SLC19A2: variants seen among roughly 807,000 people sequenced by gnomAD.
The protein encoded by SLC19A2 is thiamine transporter 1.
Under a neutral mutation model 44.7 loss-of-function variants are expected in SLC19A2, and 27 were observed. That is an observed-to-expected ratio of 0.60 (90% CI 0.45 to 0.83). The LOEUF (loss-of-function observed/expected upper bound fraction) is 0.83, where lower values mean the gene tolerates loss of function less well. Among genes scored for constraint, SLC19A2 ranks in the 40% least tolerant of loss-of-function variants. The probability of loss-of-function intolerance (pLI) is 0.00; values close to 1 mark genes in which losing one functional copy is unlikely to be tolerated. For synonymous variants in SLC19A2, 239 were observed against 243.6 expected, an observed-to-expected ratio of 0.98 and a Z score of 0.18; for missense variants, 566 against 613.7, an observed-to-expected ratio of 0.92 and a Z score of 0.82.
rs1657943599 is a variant in SLC19A2 at position 169,464,511 on chromosome 1, T to C, written c.*1338A>G. On this transcript the variant is annotated 3_prime_UTR_variant, in exon 6 of 6. Coordinates refer to ENST00000236137, the MANE Select transcript of SLC19A2 (RefSeq NM_006996.3). ...AATCTTGACACACTATTATTAACAC[T>C]GTTCAGCTGTGTCATTCTAAAAAAG... is the stretch of plus-strand genomic sequence containing the variant. 1 of 152,182 alleles carries C rather than the reference T, an allele frequency of 6.6e-6. No individual in the cohort carries two copies. The highest frequency in any genetic ancestry group is 2.1e-4 in the South Asian group (1 of 4,830). The allele number at this position is 152,182 out of a possible 1,614,324, so 9.4% of individuals were successfully genotyped here. A position where few individuals can be genotyped will look rare whatever the true frequency, so the allele number is the denominator to read the frequency against.
Position 169,465,925 on chromosome 1 carries a change from C to T in SLC19A2, c.1418G>A (p.Ser473Asn). 6.2e-7 allele frequency: 1 copy of T among 1,614,092 alleles called. No individual in the cohort carries two copies. Among genetic ancestry groups the T allele is most frequent in the Non-Finnish European group, 8.5e-7 (1 of 1,179,956 alleles). The change falls in exon 6 of 6, where the codon AGT becomes AAT. Residue 473 changes from serine to asparagine, a missense_variant. Transcript: ENST00000236137. The stretch of plus-strand genomic sequence containing the variant: ...TTTCTTCATAACACTGACTGCACCA[C>T]TGGCCAGGAAAACCACAGCGATGAG... ...FALIAVVFLA[S>N]GAVSVMKKCR...
At chr1:169,476,544 C>G (rs1168275574) in intron 2 of SLC19A2, among the ~76,000 whole-genome samples, 1 of 152,036 alleles carries the variant, frequency 6.6e-6, no homozygotes, top group Non-Finnish European at 1.5e-5. Flanking sequence ...CATGATGAAA[C>G]CCCGTCTCTA....
Position 169,468,258 on chromosome 1 carries a change from A to T in SLC19A2, c.1224-6T>A. On this transcript the variant is annotated splice_polypyrimidine_tract_variant and splice_region_variant and intron_variant, in intron 4 of 5. Coordinates refer to ENST00000236137, the MANE Select transcript of SLC19A2 (RefSeq NM_006996.3). ...GGTTTGCAGCAATTTGAAAACTTAA[A>T]AAAAAATAAAAGAGTGAATAAATAA... 3.1e-6 allele frequency: 5 copies of T among 1,611,422 alleles called. No homozygotes were observed. Among genetic ancestry groups the T allele is most frequent in the Non-Finnish European group, 3.4e-6 (4 of 1,178,008 alleles).
intron 1 of SLC19A2, among the ~76,000 whole-genome samples, chr1:169,478,696 T>G (rs1658383210): frequency 6.6e-6 from 1 of 151,828 alleles, no homozygotes; most frequent in Non-Finnish European, 1.5e-5. Flanking sequence ...CTAATACTGA[T>G]CTATATGCAT....
At chr1:169,470,496 T>C (rs1658147712) in intron 2 of SLC19A2, among the ~76,000 whole-genome samples, 2 of 152,080 alleles carry the variant, frequency 1.3e-5, no homozygotes, top group African/African-American at 4.8e-5. Context: ...GTAATCTACA[T>C]CTCCCATAAA....
At chr1:169,481,413 G>A (rs935341184) in intron 1 of SLC19A2, among the ~76,000 whole-genome samples, 4 of 152,182 alleles carry the variant, frequency 2.6e-5, no homozygotes, top group Non-Finnish European at 5.9e-5. Context: ...CTATCTTCCA[G>A]GTTAATTCTA....
intron 1 of SLC19A2, among the ~76,000 whole-genome samples, chr1:169,483,847 A>G (rs966263371): frequency 3.3e-5 from 5 of 152,338 alleles, no homozygotes; most frequent in Admixed American, 1.3e-4. Context: ...AGCTGTTCAC[A>G]GCAGTATCAA....
In SLC19A2 at chr1:169,468,265, T is replaced by A. The variant is rs1557888364; in HGVS notation, c.1224-13A>T. The A allele has an allele frequency of 6.2e-7, 1 of 1,602,658 alleles. No individual in the cohort carries two copies. Among genetic ancestry groups the A allele is most frequent in the East Asian group, 2.2e-5 (1 of 44,796 alleles). Reference sequence around the variant, plus strand: ...AGCAATTTGAAAACTTAAAAAAAAATAAAAGAGTGAATAAATAAGAATTAC... The same window carrying A: ...AGCAATTTGAAAACTTAAAAAAAAAAAAAAGAGTGAATAAATAAGAATTAC... On this transcript the variant is annotated splice_polypyrimidine_tract_variant and intron_variant, in intron 4 of 5. Transcript: ENST00000236137.
chr1:169,477,884 G>A, intron 1 of SLC19A2, 127 bp from the exon 2 acceptor site: 1 of 951,864 alleles, frequency 1.1e-6, no homozygotes, highest in Non-Finnish European at 1.6e-6. Flanking sequence ...GACAACAGCA[G>A]TTCAGATAAC....
At position 169,468,778 on chromosome 1, in the gene SLC19A2, T is replaced by C. The variant is rs1237298453; in HGVS notation, c.1089A>G (p.Glu363=). ...YIKISWSTWG[E]MTLSLFSLLI... ...GGAGAGAAAAGAGAGATAATGTCAT[T>C]TCTCCCCAAGTTGACCAGGATATTT... Residue 363 remains glutamate (E), a synonymous_variant, in exon 4 of 6, where the codon GAA becomes GAG. Transcript: ENST00000236137. 2 of 1,613,736 alleles carry C rather than the reference T, an allele frequency of 1.2e-6. No individual in the cohort carries two copies. Among genetic ancestry groups the C allele is most frequent in the African/African-American group, 2.7e-5 (2 of 74,836 alleles).
At chr1:169,472,122 T>C (rs1342122068) in intron 2 of SLC19A2, among the ~76,000 whole-genome samples, 1 of 152,170 alleles carries the variant, frequency 6.6e-6, no homozygotes, top group African/African-American at 2.4e-5. Flanking sequence ...GCACTGTGTA[T>C]GAGAGCAAAC....
At chr1:169,467,929 C>A (rs1431194216) in intron 5 of SLC19A2, among the ~76,000 whole-genome samples, 182 bp downstream of exon 5, 2 of 152,218 alleles carry the variant, frequency 1.3e-5, no homozygotes, top group Non-Finnish European at 2.9e-5. Flanking sequence ...ACAATCCCAA[C>A]ACCCTCCCAG....
intron 1 of SLC19A2, among the ~76,000 whole-genome samples, 175 bp downstream of exon 1, chr1:169,485,388 G>A (rs764462415): frequency 6.6e-5 from 10 of 152,216 alleles, no homozygotes; most frequent in African/African-American, 9.7e-5. Context: ...CTACAGAGCC[G>A]AAGAAAACAG....
rs1313323785 is a variant in SLC19A2 at position 169,477,436 on chromosome 1, C to A, written c.526G>T (p.Gly176Trp). Reference sequence around the variant, plus strand: ...CCTGCCACTGAGACAAGGATTTGCCCTAGGACAGAGCCCACTGTAAAGCCC... The same window carrying A: ...CCTGCCACTGAGACAAGGATTTGCCATAGGACAGAGCCCACTGTAAAGCCC... The part of the protein sequence containing the change: ...LVGFTVGSVL[G>W]QILVSVAGWS... The change falls in exon 2 of 6, where the codon GGG becomes TGG. Residue 176 changes from glycine (G) to tryptophan (W), a missense_variant. By Grantham distance (184) the Gly-to-Trp change is radical. Transcript: ENST00000236137. 1 of 1,614,014 alleles carries A rather than the reference C, an allele frequency of 6.2e-7. No individual in the cohort carries two copies. The highest frequency in any genetic ancestry group is 1.3e-5 in the African/African-American group (1 of 74,896).
chr1:169,485,513 C>T (rs1374865282), intron 1 of SLC19A2, 50 bp downstream of exon 1: 2 of 1,544,444 alleles, frequency 1.3e-6, no homozygotes, highest in Non-Finnish European at 1.8e-6. Context: ...CGCTGCCCAC[C>T]CGCAGGCCGG....
intron 1 of SLC19A2, 73 bp downstream of exon 1, chr1:169,485,490 T>C: frequency 6.7e-7 from 1 of 1,499,976 alleles, no homozygotes; most frequent in South Asian, 1.2e-5. Context: ...CTTTTCTCGG[T>C]CCTCTCTTCC....
intron 3 of SLC19A2, among the ~76,000 whole-genome samples, chr1:169,469,675 A>G (rs935933375): frequency 6.6e-6 from 1 of 152,232 alleles, no homozygotes; most frequent in Non-Finnish European, 1.5e-5. Context: ...ATCAAGTGAC[A>G]AAACTACCCA....
Position 169,476,148 on chromosome 1 carries a change from A to C in SLC19A2, c.807+1007T>G, listed in dbSNP as rs34858340. ...CAAAAAAAACACTTGAATATTTAAA[A>C]AAAAAAAAGGGTGGGTGTCTAGGGA... is the stretch of plus-strand genomic sequence containing the variant. On this transcript the variant is annotated intron_variant, in intron 2 of 5. Transcript: ENST00000236137. Among the ~76,000 whole-genome samples, 8,617 of 152,120 alleles carry C rather than the reference A, an allele frequency of 0.057. 1,406 individuals carry two copies. The East Asian group carries it at 0.67, about 12-fold the overall frequency.
chr1:169,479,464 G>A (rs543324764), intron 1 of SLC19A2, among the ~76,000 whole-genome samples: 1 of 152,334 alleles, frequency 6.6e-6, no homozygotes, highest in South Asian at 2.1e-4. Flanking sequence ...CTGTGTGATT[G>A]TAGACAACAT....
Sources: allele counts gnomAD v4.1 joint callset (sites outside exome capture counted in the v4.1 genomes callset), GRCh38; gene constraint gnomAD v4.1.1; transcripts MANE v1.5; gene names NCBI Gene and HGNC (gene_info 2026-07-23, HGNC 2026-07-21).